GYPC: variants seen among roughly 807,000 people sequenced by gnomAD.
GYPC encodes the protein glycophorin C (Gerbich blood group).
In GYPC, 14 loss-of-function variants were observed where a neutral mutation model predicts 12.6. The ratio of observed to expected loss-of-function variants is 1.11; its 90% CI spans 0.74 to 1.74. The LOEUF (loss-of-function observed/expected upper bound fraction) is 1.74. Ranked by LOEUF, GYPC falls within the 40% of genes most tolerant of loss-of-function variation. The pLI, the probability that GYPC is intolerant of heterozygous loss-of-function variation, is 0.00. For synonymous variants in GYPC, 78 were observed against 62.1 expected (o/e 1.26, Z -1.20); for missense variants, 225 against 172.1 (o/e 1.31, Z -1.72).
intron 1 of GYPC, among the ~76,000 whole-genome samples, chr2:126,689,576 G>T (rs1255054312): frequency 1.3e-5 from 2 of 150,876 alleles, no homozygotes; most frequent in Non-Finnish European, 2.9e-5. Context: ...TTGAGGGAGG[G>T]AGGGAGTTCT....
chr2:126,686,865 C>G (rs1683306768), intron 1 of GYPC, among the ~76,000 whole-genome samples: 2 of 152,056 alleles, frequency 1.3e-5, no homozygotes, highest in Admixed American at 1.3e-4. Flanking sequence ...CAGATCACCC[C>G]CATCCTAGTT....
At chr2:126,689,896 T>C (rs1389198538) in intron 1 of GYPC, among the ~76,000 whole-genome samples, 1 of 152,244 alleles carries the variant, frequency 6.6e-6, no homozygotes. Flanking sequence ...TCCACAAACA[T>C]TCTTTCTTAA....
Position 126,696,215 on chromosome 2 carries a change from C to A in GYPC, c.*73C>A. ...GAAAAATACACCCCATCGCCCAGCA[C>A]CCCTGCTGATACCACCAGACAGAGA... On this transcript the variant is annotated 3_prime_UTR_variant, in exon 4 of 4. Transcript: ENST00000259254. 1.8e-6 allele frequency: 2 copies of A among 1,081,720 alleles called. No homozygotes were observed. The highest frequency in any genetic ancestry group is 3.9e-5 in the Admixed American group (2 of 51,884). The allele number at this position is 1,081,720 out of a possible 1,614,324, so 67.0% of individuals were successfully genotyped here.
At chr2:126,671,548 G>C (rs1026866103) in intron 1 of GYPC, among the ~76,000 whole-genome samples, 1 of 152,200 alleles carries the variant, frequency 6.6e-6, no homozygotes, top group Admixed American at 6.5e-5. Flanking sequence ...GAGCCTCGGG[G>C]GTCAATGTGT....
chr2:126,690,170 A>T, intron 1 of GYPC, 85 bp from the exon 2 acceptor site: 1 of 975,438 alleles, frequency 1.0e-6, no homozygotes, highest in South Asian at 1.3e-5. Context: ...CTCACACCTG[A>T]GCAAAGGATG....
chr2:126,666,972 G>T (rs145050523), intron 1 of GYPC, among the ~76,000 whole-genome samples: 1 of 152,212 alleles, frequency 6.6e-6, no homozygotes, highest in African/African-American at 2.4e-5. Context: ...ACATCTTTTG[G>T]CCTTGGGTGT....
In GYPC at chr2:126,696,149, A is replaced by G; in HGVS notation, c.*7A>G. ...AAAGGAGTACTTTATTTGAGGGACA[A>G]CAGACTTCACTTCCCTGAATGCCTC... On this transcript the variant is annotated 3_prime_UTR_variant, in exon 4 of 4. Transcript: ENST00000259254. The G allele has an allele frequency of 1.2e-5, 19 of 1,605,804 alleles. No homozygotes were observed. Among genetic ancestry groups the G allele is most frequent in the Non-Finnish European group, 1.5e-5 (18 of 1,172,496 alleles).
At chr2:126,688,314 ATGT>A in intron 1 of GYPC, among the ~76,000 whole-genome samples, 1 of 152,318 alleles carries the variant, frequency 6.6e-6, no homozygotes, top group Non-Finnish European at 1.5e-5. Flanking sequence ...CTTAAGCAAG[ATGT>A]TATTCTTTCT....
At chr2:126,667,592 G>A (rs1313245578) in intron 1 of GYPC, among the ~76,000 whole-genome samples, 26 of 151,536 alleles carry the variant, frequency 1.7e-4, no homozygotes, top group African/African-American at 5.8e-4. Flanking sequence ...TAGTAGAGAC[G>A]GGGTTTCTCC....
intron 1 of GYPC, among the ~76,000 whole-genome samples, chr2:126,678,032 T>C (rs965831206): frequency 1.3e-5 from 2 of 152,110 alleles, no homozygotes; most frequent in African/African-American, 2.4e-5. Flanking sequence ...CCATCCTGGC[T>C]AACACGGTGA....
chr2:126,693,451 T>C (rs1215235790), intron 2 of GYPC, among the ~76,000 whole-genome samples: 2 of 152,140 alleles, frequency 1.3e-5, no homozygotes, highest in African/African-American at 4.8e-5. Context: ...TATTCAGCTA[T>C]AGCAACACAA....
At chr2:126,682,105 C>T (rs1047836288) in intron 1 of GYPC, among the ~76,000 whole-genome samples, 1 of 152,194 alleles carries the variant, frequency 6.6e-6, no homozygotes, top group Non-Finnish European at 1.5e-5. Context: ...TTGGAGCTGG[C>T]AAGTCAAGCA....
chr2:126,663,241 T>C (rs931150284), intron 1 of GYPC, among the ~76,000 whole-genome samples: 1 of 152,042 alleles, frequency 6.6e-6, no homozygotes, highest in Non-Finnish European at 1.5e-5. Flanking sequence ...TTTCACCTTG[T>C]TGGCCAGGAT....
chr2:126,682,405 T>G (rs2099734), intron 1 of GYPC, among the ~76,000 whole-genome samples: 1 of 151,924 alleles, frequency 6.6e-6, no homozygotes, highest in Non-Finnish European at 1.5e-5. Flanking sequence ...CCCAAATCCC[T>G]GAACCCAGCA....
Position 126,696,013 on chromosome 2 carries a change from G to T in GYPC, c.258G>T (p.Arg86=), listed in dbSNP as rs1156890353. Residue 86 remains arginine, a synonymous_variant, in exon 4 of 4, where the codon CGG becomes CGT. Coordinates refer to ENST00000259254, the MANE Select transcript of GYPC (RefSeq NM_002101.5). ...LLFVMLRYMY[R]HKGTYHTNEA... The stretch of plus-strand genomic sequence containing the variant: ...TCGTCATGCTGCGCTACATGTACCG[G>T]CACAAGGGCACGTACCACACCAATG... 1 of 1,614,002 alleles carries T rather than the reference G, an allele frequency of 6.2e-7. No homozygotes were observed. Among genetic ancestry groups the T allele is most frequent in the East Asian group, 2.2e-5 (1 of 44,886 alleles).
chr2:126,685,624 T>A (rs1798715), intron 1 of GYPC, among the ~76,000 whole-genome samples: 5 of 152,156 alleles, frequency 3.3e-5, no homozygotes, highest in African/African-American at 7.2e-5. Flanking sequence ...ACCTCAGGTG[T>A]TCCACCCACC....
Position 126,695,983 on chromosome 2 carries a change from C to G in GYPC, c.228C>G (p.Leu76=). The G allele has an allele frequency of 1.9e-6, 3 of 1,614,154 alleles. No individual in the cohort carries two copies. Among genetic ancestry groups the G allele is most frequent in the Non-Finnish European group, 2.5e-6 (3 of 1,179,996 alleles). The change falls in exon 4 of 4, where the codon CTC becomes CTG. Residue 76 remains leucine (L), a synonymous_variant. Coordinates refer to ENST00000259254, the MANE Select transcript of GYPC (RefSeq NM_002101.5). ...CTGTGGCCATCGTCCTAGTCTCCCTCCTCTTCGTCATGCTGCGCTACATGT... is the reference window on the plus strand; with the variant it reads ...CTGTGGCCATCGTCCTAGTCTCCCTGCTCTTCGTCATGCTGCGCTACATGT... ...IAAVAIVLVS[L]LFVMLRYMYR...
At chr2:126,695,920 A>T (rs1683628843) in intron 3 of GYPC, 26 bp from the exon 4 acceptor site, 1 of 1,604,602 alleles carries the variant, frequency 6.2e-7, no homozygotes, top group East Asian at 2.2e-5. Flanking sequence ...CCTCAGACTG[A>T]CCCTTGCACC....
At chr2:126,679,879 A>C (rs529217895) in intron 1 of GYPC, 9 of 152,180 alleles carry the variant, frequency 5.9e-5, no homozygotes, top group African/African-American at 1.4e-4. Flanking sequence ...CCATCTAAAA[A>C]AAAATTAATT....
Sources: gnomAD v4.1 joint callset for allele counts (sites outside exome capture counted in the v4.1 genomes callset) on GRCh38, gnomAD v4.1.1 for gene constraint, MANE v1.5 for transcripts, NCBI Gene and HGNC (gene_info 2026-07-23, HGNC 2026-07-21) for gene names.